Variants in CCT6B observed in about 807,000 individuals in gnomAD.
The protein encoded by CCT6B is chaperonin containing TCP1 subunit 6B, also known as probable T-complex protein 1 subunit zeta-2.
In CCT6B, 49 loss-of-function variants were observed where a neutral mutation model predicts 61.5. That is an observed-to-expected ratio of 0.80 (90% CI 0.63 to 1.01). CCT6B has a LOEUF of 1.01. Ranked by LOEUF, CCT6B falls within the 50% of genes least tolerant of loss-of-function variation. The pLI is 0.00. For missense variants in CCT6B, 666 were observed against 634.7 expected (o/e 1.05, Z -0.53); for synonymous variants, 228 against 214.5 (o/e 1.06, Z -0.55).
chr17:34,956,674 T>C (rs1567673868), intron 3 of CCT6B, among the ~76,000 whole-genome samples: 1 of 152,170 alleles, frequency 6.6e-6, no homozygotes, highest in Non-Finnish European at 1.5e-5. Context: ...TGGCTTGGGA[T>C]GGACATAATA....
chr17:34,938,321 C>T (rs12950956), intron 10 of CCT6B, among the ~76,000 whole-genome samples: 44,714 of 152,038 alleles, frequency 0.29, 7,085 homozygotes, highest in Non-Finnish European at 0.37. Context: ...AATCCCAGCA[C>T]TCTGGGAGGC....
Position 34,945,186 on chromosome 17 carries a change from C to G in CCT6B, c.615-2280G>C, listed in dbSNP as rs148496097. Reference sequence around the variant, plus strand: ...TTCCTAGGGATCATGCTTTAAACTTCCTTTACTATATTCACTTCCCAGATG... The same window carrying G: ...TTCCTAGGGATCATGCTTTAAACTTGCTTTACTATATTCACTTCCCAGATG... On this transcript the variant is annotated intron_variant, in intron 5 of 13. Coordinates refer to ENST00000314144, the MANE Select transcript of CCT6B (RefSeq NM_006584.4). Among the ~76,000 whole-genome samples the G allele has an allele frequency of 6.9e-3, 1,048 of 152,280 alleles. 3 individuals are homozygous for G. The highest frequency in any genetic ancestry group is 0.011 in the Non-Finnish European group (766 of 68,022).
intron 3 of CCT6B, among the ~76,000 whole-genome samples, chr17:34,956,924 C>T (rs2090353550): frequency 6.6e-6 from 1 of 152,070 alleles, no homozygotes; most frequent in African/African-American, 2.4e-5. Flanking sequence ...ATCCTCCTGC[C>T]TCAGCCTCCC....
intron 5 of CCT6B, chr17:34,949,344 C>T (rs193239743): frequency 6.6e-6 from 1 of 151,972 alleles, no homozygotes; most frequent in East Asian, 1.9e-4. Flanking sequence ...CCTATAATCC[C>T]AGCTACTAGG....
At chr17:34,938,213 C>G (rs1052598053) in intron 10 of CCT6B, among the ~76,000 whole-genome samples, 4 of 152,098 alleles carry the variant, frequency 2.6e-5, no homozygotes, top group African/African-American at 9.6e-5. Context: ...TTTAAAAGGG[C>G]AAAAGATTTA....
chr17:34,956,556 C>T (rs2090349517), intron 3 of CCT6B, among the ~76,000 whole-genome samples: 2 of 152,166 alleles, frequency 1.3e-5, no homozygotes, highest in Non-Finnish European at 2.9e-5. Context: ...AACCCTAATT[C>T]AGTTTGGGTT....
intron 3 of CCT6B, among the ~76,000 whole-genome samples, chr17:34,957,009 AT>A (rs1380331944): frequency 6.6e-6 from 1 of 151,376 alleles, no homozygotes; most frequent in Non-Finnish European, 1.5e-5. Flanking sequence ...GGGTCTCACT[AT>A]GTTGCCCAGG....
At chr17:34,945,487 C>T (rs1292781187) in intron 5 of CCT6B, among the ~76,000 whole-genome samples, 3 of 152,150 alleles carry the variant, frequency 2.0e-5, no homozygotes, top group South Asian at 2.1e-4. Context: ...ATATCTCTGA[C>T]CGCTCTATTT....
chr17:34,961,173 C>T (rs1003321442), intron 1 of CCT6B, 84 bp downstream of exon 1: 10 of 1,477,116 alleles, frequency 6.8e-6, no homozygotes, highest in Admixed American at 4.2e-5. Flanking sequence ...ACATCCACAG[C>T]GCTACGCGGA....
chr17:34,938,823 G>A (rs968900359), intron 10 of CCT6B, among the ~76,000 whole-genome samples: 3 of 151,858 alleles, frequency 2.0e-5, no homozygotes, highest in Admixed American at 6.6e-5. Flanking sequence ...TGGCTCACAC[G>A]TGTAATTTCA....
Position 34,954,575 on chromosome 17 carries a change from C to T in CCT6B, c.361G>A (p.Glu121Lys). ...SEGLHPRIIAEGFEAAKIKAL... is the reference protein window; with the variant it reads ...SEGLHPRIIAKGFEAAKIKAL... ...TTTATCTTTGCAGCTTCAAATCCTT[C>T]AGCTATTATTCTAGGGTGCAGGCCC... Residue 121 changes from glutamate to lysine, a missense_variant, in exon 4 of 14, where the codon GAA becomes AAA. Transcript: ENST00000314144. 2 of 1,613,426 alleles carry T rather than the reference C, an allele frequency of 1.2e-6. No individual in the cohort carries two copies. Among genetic ancestry groups the T allele is most frequent in the Admixed American group, 3.3e-5 (2 of 59,926 alleles).
rs747730840 is a variant in CCT6B, at chr17:34,942,570, T to A, written c.799A>T (p.Ile267Phe). Residue 267 changes from isoleucine to phenylalanine, a missense_variant, in exon 7 of 14, where the codon ATT becomes TTT. Coordinates refer to ENST00000314144, the MANE Select transcript of CCT6B (RefSeq NM_006584.4). ...EKLVKAERKF[I>F]EDRVQKIIDL... ...ATTATTTTTTGTACTCTATCTTCAA[T>A]AAATTTTCTTTCAGCTTTTACCAAT... is the stretch of plus-strand genomic sequence containing the variant. 6.8e-6 allele frequency: 11 copies of A among 1,608,116 alleles called. No homozygotes were observed. The highest frequency in any genetic ancestry group is 5.9e-6 in the Non-Finnish European group (7 of 1,176,764).
At chr17:34,949,460 C>CAAAAA (rs776789029) in intron 5 of CCT6B, 2 of 38,840 alleles carry the variant, frequency 5.1e-5, no homozygotes, top group African/African-American at 1.1e-4. Context: ...AACACCATCT[C>CAAAAA]AAAAAAAAAA....
chr17:34,937,168 T>G (rs1193282079), intron 10 of CCT6B, among the ~76,000 whole-genome samples: 2 of 151,644 alleles, frequency 1.3e-5, no homozygotes, highest in Non-Finnish European at 2.9e-5. Context: ...AAAAAAAAAG[T>G]TCTGATCAAA....
chr17:34,960,589 CCTT>C (rs1465891778), intron 1 of CCT6B, among the ~76,000 whole-genome samples: 1 of 152,202 alleles, frequency 6.6e-6, no homozygotes, highest in Admixed American at 6.5e-5. Flanking sequence ...TACCACATCT[CCTT>C]AAGAACAGAA....
chr17:34,954,635 A>T (rs750595860), intron 3 of CCT6B, 36 bp from the exon 4 acceptor site: 8 of 1,533,252 alleles, frequency 5.2e-6, no homozygotes, highest in Non-Finnish European at 7.0e-6. Flanking sequence ...ATTATAAAAT[A>T]AGTCACCCAA....
At chr17:34,952,790 G>A (rs2090306340) in intron 4 of CCT6B, among the ~76,000 whole-genome samples, 1 of 152,068 alleles carries the variant, frequency 6.6e-6, no homozygotes, top group Admixed American at 6.6e-5. Flanking sequence ...ACATAAAGCA[G>A]AAAAAACTGT....
Position 34,927,884 on chromosome 17 carries a change from G to T in CCT6B, c.*164C>A, listed in dbSNP as rs1488193661. 6 of 479,152 alleles carry T rather than the reference G, an allele frequency of 1.3e-5. No individual in the cohort carries two copies. The highest frequency in any genetic ancestry group is 1.2e-4 in the African/African-American group (6 of 49,594). 29.7% of individuals were successfully genotyped at this position (479,152 alleles called of 1,614,324 possible). A position where few individuals can be genotyped will look rare whatever the true frequency, so the allele number is the denominator to read the frequency against. On this transcript the variant is annotated 3_prime_UTR_variant, in exon 14 of 14. Coordinates refer to ENST00000314144, the MANE Select transcript of CCT6B (RefSeq NM_006584.4). ...CCTTTACTGTAAAAGTATTTATTGT[G>T]TTCTTTATACCTTGATGAAATATTT...
At chr17:34,948,823 A>G (rs1229230116) in intron 5 of CCT6B, among the ~76,000 whole-genome samples, 1 of 151,628 alleles carries the variant, frequency 6.6e-6, no homozygotes, top group Non-Finnish European at 1.5e-5. Context: ...CCTCCAGCTC[A>G]GGAATTTGAG....
Sources: allele counts gnomAD v4.1 joint callset (sites outside exome capture counted in the v4.1 genomes callset), GRCh38; gene constraint gnomAD v4.1.1; transcripts MANE v1.5; gene names NCBI Gene and HGNC (gene_info 2026-07-23, HGNC 2026-07-21).